ARPC1A: variants seen among roughly 807,000 people sequenced by gnomAD.
ARPC1A encodes the protein actin related protein 2/3 complex subunit 1A.
In ARPC1A, 8 loss-of-function variants were observed where a neutral mutation model predicts 46.9. The observed-to-expected ratio is 0.17, with a 90% CI of 0.10 to 0.31. ARPC1A has a LOEUF of 0.31. Ranked by LOEUF, ARPC1A falls within the 10% of genes least tolerant of loss-of-function variation. The probability of loss-of-function intolerance (pLI) is 1.00; values close to 1 mark genes in which losing one functional copy is unlikely to be tolerated. For synonymous variants in ARPC1A, 152 were observed against 169.0 expected (o/e 0.90, Z 0.78); for missense variants, 286 against 483.6 (o/e 0.59, Z 3.83).
At position 99,366,147 on chromosome 7, in the gene ARPC1A, C is replaced by G. The variant is rs1165975388; in HGVS notation, c.*218C>G. On this transcript the variant is annotated 3_prime_UTR_variant, in exon 10 of 10. Transcript: ENST00000262942. ...TTTTGCGATTTCATTCCATTCTTGA[C>G]CAAAGCTTCTCTTTAAGTAGTTTAT... 7 of 575,786 alleles carry G rather than the reference C, an allele frequency of 1.2e-5. No homozygotes were observed. Among genetic ancestry groups the G allele is most frequent in the Non-Finnish European group, 6.1e-6 (2 of 328,676 alleles). 35.7% of individuals were successfully genotyped at this position (575,786 alleles called of 1,614,324 possible).
chr7:99,332,605 T>G (rs1055871990), intron 1 of ARPC1A, among the ~76,000 whole-genome samples: 1 of 131,728 alleles, frequency 7.6e-6, no homozygotes, highest in African/African-American at 3.0e-5. Context: ...ATGAGATAGA[T>G]TTTTTTTTTT....
At chr7:99,341,044 C>T (rs1380538161) in intron 3 of ARPC1A, among the ~76,000 whole-genome samples, 2 of 152,242 alleles carry the variant, frequency 1.3e-5, no homozygotes, top group South Asian at 4.2e-4. Flanking sequence ...TGCGGTGGCT[C>T]ACACCTGTAA....
At chr7:99,354,883 C>T (rs1793604362) in intron 6 of ARPC1A, among the ~76,000 whole-genome samples, 3 of 151,962 alleles carry the variant, frequency 2.0e-5, no homozygotes, top group Admixed American at 1.3e-4. Flanking sequence ...GAGGCTGAGG[C>T]GGGCGGATCA....
intron 4 of ARPC1A, among the ~76,000 whole-genome samples, chr7:99,345,009 C>T (rs142805233): frequency 1.4e-3 from 190 of 134,976 alleles, no homozygotes; most frequent in African/African-American, 5.0e-3. Context: ...GATCATGGCT[C>T]ACTGCAACGT....
At chr7:99,336,578 C>G (rs559656598) in intron 2 of ARPC1A, among the ~76,000 whole-genome samples, 1 of 146,624 alleles carries the variant, frequency 6.8e-6, no homozygotes, top group South Asian at 2.2e-4. Flanking sequence ...AATGCAGCCT[C>G]TGCCTCCTAC....
Position 99,363,640 on chromosome 7 carries a change from T to G in ARPC1A, c.1074+7T>G. 6.3e-7 allele frequency: 1 copy of G among 1,594,716 alleles called. No homozygotes were observed. The highest frequency in any genetic ancestry group is 8.5e-7 in the Non-Finnish European group (1 of 1,174,060). On this transcript the variant is annotated splice_region_variant and intron_variant, in intron 9 of 9. Coordinates refer to ENST00000262942, the MANE Select transcript of ARPC1A (RefSeq NM_006409.4). ...GACAATTTGGGATTTCAAGGTATTT[T>G]CTACCTAACAGAACAAATTTTGTTT...
intron 8 of ARPC1A, among the ~76,000 whole-genome samples, chr7:99,362,667 G>A (rs1253828644): frequency 1.3e-5 from 2 of 151,020 alleles, no homozygotes; most frequent in East Asian, 3.9e-4. Flanking sequence ...TTTTATTTAA[G>A]CTCACAGGCT....
At chr7:99,348,285 A>G (rs3801288) in intron 4 of ARPC1A, among the ~76,000 whole-genome samples, 54,022 of 152,160 alleles carry the variant, frequency 0.36, 16,214 homozygotes, top group African/African-American at 0.82. Flanking sequence ...TCACGAAAAC[A>G]TAACTGAGTT....
chr7:99,363,994 A>T (rs1793783923), intron 9 of ARPC1A, among the ~76,000 whole-genome samples: 1 of 151,974 alleles, frequency 6.6e-6, no homozygotes, highest in Non-Finnish European at 1.5e-5. Flanking sequence ...TTGTTCTGTC[A>T]CCCAGGCTGC....
chr7:99,335,737 G>T (rs1452216393), intron 2 of ARPC1A, among the ~76,000 whole-genome samples: 1 of 152,034 alleles, frequency 6.6e-6, no homozygotes, highest in African/African-American at 2.4e-5. Flanking sequence ...GGCAGATCAC[G>T]AGGTCAGGAG....
chr7:99,329,760 G>T (rs1348484405), intron 1 of ARPC1A, among the ~76,000 whole-genome samples: 1 of 152,200 alleles, frequency 6.6e-6, no homozygotes, highest in Admixed American at 6.5e-5. Context: ...ATAAAACACT[G>T]AGTTGAACAT....
chr7:99,340,201 C>T (rs541351847), intron 3 of ARPC1A, among the ~76,000 whole-genome samples: 35 of 151,898 alleles, frequency 2.3e-4, no homozygotes, highest in Non-Finnish European at 4.0e-4. Context: ...GTCATTCTGT[C>T]GTCTAGGCTG....
Position 99,358,324 on chromosome 7 carries a change from A to G in ARPC1A, c.714-16A>G. 6.2e-7 allele frequency: 1 copy of G among 1,612,962 alleles called. No homozygotes were observed. The highest frequency in any genetic ancestry group is 8.5e-7 in the Non-Finnish European group (1 of 1,179,034). ...AGTCTGTTGCATCTTGGGATAACAC[A>G]TGTTCTTGTGTTCAGGGTCTCGACT... On this transcript the variant is annotated splice_polypyrimidine_tract_variant and intron_variant, in intron 6 of 9. Transcript: ENST00000262942.
At chr7:99,358,972 C>T (rs965877211) in intron 7 of ARPC1A, among the ~76,000 whole-genome samples, 2 of 151,972 alleles carry the variant, frequency 1.3e-5, no homozygotes, top group Admixed American at 6.5e-5. Flanking sequence ...GCTGGGACTA[C>T]AGGCGCCCGC....
intron 4 of ARPC1A, among the ~76,000 whole-genome samples, chr7:99,344,917 G>GTTTTTTT (rs1562799264): frequency 2.0e-4 from 6 of 29,580 alleles, no homozygotes; most frequent in Admixed American, 3.5e-4. Context: ...AGATAACAAT[G>GTTTTTTT]TTCTTTTTTT....
At chr7:99,363,717 C>A in intron 9 of ARPC1A, 84 bp downstream of exon 9, 1 of 1,036,190 alleles carries the variant, frequency 9.7e-7, no homozygotes, top group Non-Finnish European at 1.4e-6. Context: ...TCTCTGTCAC[C>A]CAGGTTGGAG....
chr7:99,356,566 C>T (rs1332516478), intron 6 of ARPC1A, among the ~76,000 whole-genome samples: 2 of 147,564 alleles, frequency 1.4e-5, no homozygotes, highest in Admixed American at 1.4e-4. Flanking sequence ...GATCGCACCA[C>T]TGCACTCCAG....
At chr7:99,342,649 T>C (rs1171388891) in intron 3 of ARPC1A, among the ~76,000 whole-genome samples, 2 of 151,664 alleles carry the variant, frequency 1.3e-5, no homozygotes, top group African/African-American at 4.8e-5. Context: ...TTCCCTTCAG[T>C]GGTACAAAAA....
chr7:99,362,780 G>T (rs996063714), intron 8 of ARPC1A, among the ~76,000 whole-genome samples: 2 of 152,128 alleles, frequency 1.3e-5, no homozygotes, highest in African/African-American at 4.8e-5. Flanking sequence ...GAAAAATATT[G>T]TCTGAGCAAT....
Sources: allele counts gnomAD v4.1 joint callset (sites outside exome capture counted in the v4.1 genomes callset), GRCh38; gene constraint gnomAD v4.1.1; transcripts MANE v1.5; gene names NCBI Gene and HGNC (gene_info 2026-07-23, HGNC 2026-07-21).